The following EYS variants were observed in gnomAD, a reference collection of about 807,000 sequenced individuals.
EYS encodes the protein protein eyes shut homolog.
Under a neutral mutation model 282.1 loss-of-function variants are expected in EYS, and 250 were observed. That is an observed-to-expected ratio of 0.89 (90% CI 0.80 to 0.98). The LOEUF is 0.98. EYS is among the 50% of genes least tolerant of loss of function. The probability of loss-of-function intolerance (pLI) is 0.00; values close to 1 mark genes in which losing one functional copy is unlikely to be tolerated. For synonymous variants in EYS, 1,355 were observed against 1,282.9 expected (o/e 1.06, Z -1.20); for missense variants, 4,016 against 3,709.0 (o/e 1.08, Z -2.15).
Position 64,193,515 on chromosome 6 carries a change from T to C in EYS, c.6424+37077A>G, listed in dbSNP as rs147029827. ...CTGGTTGTTTATTTATTTATTTTTA[T>C]TATACTTTAAGTTCTAGGGTACATG... On this transcript the variant is annotated intron_variant, in intron 31 of 42. Coordinates refer to ENST00000503581, the MANE Select transcript of EYS (RefSeq NM_001142800.2). Among the ~76,000 whole-genome samples the C allele has an allele frequency of 4.6e-5, 7 of 152,156 alleles. No individual in the cohort carries two copies. The East Asian group carries it at 1.4e-3, about 29-fold the overall frequency.
At chr6:64,235,554 G>T (rs1010370232) in intron 30 of EYS, among the ~76,000 whole-genome samples, 1 of 152,056 alleles carries the variant, frequency 6.6e-6, no homozygotes, top group African/African-American at 2.4e-5. Flanking sequence ...AAATATATGT[G>T]TGCATGTGTC....
At chr6:65,101,604 A>G (rs931697261) in intron 12 of EYS, among the ~76,000 whole-genome samples, 1 of 151,304 alleles carries the variant, frequency 6.6e-6, no homozygotes, top group African/African-American at 2.4e-5. Flanking sequence ...TTTGACCTTT[A>G]TGTACTTACT....
intron 12 of EYS, among the ~76,000 whole-genome samples, chr6:65,183,395 A>G (rs181118644): frequency 6.6e-6 from 1 of 152,044 alleles, no homozygotes; most frequent in East Asian, 2.0e-4. Context: ...TAAAGTATAT[A>G]TTCCTATTTA....
chr6:64,105,688 T>C (rs1317740959), intron 31 of EYS, among the ~76,000 whole-genome samples: 1 of 152,146 alleles, frequency 6.6e-6, no homozygotes, highest in Non-Finnish European at 1.5e-5. Flanking sequence ...ACTTATACAA[T>C]AGGTAGACTT....
rs186939446 is a variant in EYS, at chr6:65,010,829, G to A, written c.2138-13126C>T. 2.2e-3 allele frequency among the ~76,000 whole-genome samples: 328 copies of A among 152,274 alleles called. 3 individuals carry two copies. Among genetic ancestry groups the A allele is most frequent in the Admixed American group, 0.019 (298 of 15,306 alleles). ...AGAAAGGGAATTCCTAACTTCCGAG[G>A]GAACACCTATCAAACATCAGGAAGC... On this transcript the variant is annotated intron_variant, in intron 13 of 42. Coordinates refer to ENST00000503581, the MANE Select transcript of EYS (RefSeq NM_001142800.2).
chr6:64,436,485 T>G (rs908746239), intron 27 of EYS, among the ~76,000 whole-genome samples: 1 of 151,822 alleles, frequency 6.6e-6, no homozygotes, highest in East Asian at 1.9e-4. Context: ...TAAATACACA[T>G]GCATACATGT....
chr6:64,494,043 T>C (rs1776816702), intron 26 of EYS, among the ~76,000 whole-genome samples: 1 of 151,576 alleles, frequency 6.6e-6, no homozygotes, highest in South Asian at 2.1e-4. Flanking sequence ...TAGAACATAG[T>C]AGAGTTGGAT....
At chr6:64,352,383 C>T (rs985659813) in intron 29 of EYS, among the ~76,000 whole-genome samples, 3 of 151,410 alleles carry the variant, frequency 2.0e-5, no homozygotes, top group Non-Finnish European at 4.4e-5. Context: ...CTATACCAGG[C>T]CCTTAAGTGT....
chr6:65,133,588 G>A (rs527431078), intron 12 of EYS, among the ~76,000 whole-genome samples: 1 of 152,130 alleles, frequency 6.6e-6, no homozygotes, highest in South Asian at 2.1e-4. Context: ...ATTGAAACTG[G>A]ACTCCTTCCT....
Position 64,012,944 on chromosome 6 carries a change from C to T in EYS, c.6726-13761G>A, listed in dbSNP as rs1201971724. Among the ~76,000 whole-genome samples the T allele has an allele frequency of 3.3e-5, 5 of 152,228 alleles. No individual in the cohort carries two copies. The East Asian group carries it at 5.8e-4, about 18-fold the overall frequency. On this transcript the variant is annotated intron_variant, in intron 33 of 42. Transcript: ENST00000503581. ...CTTTGTATAAAAAGCGCTCCATGAC[C>T]TCTAATAAGTGATTTTTCTGAGCAC... is the stretch of plus-strand genomic sequence containing the variant.
At chr6:64,562,830 C>T (rs1166899392) in intron 26 of EYS, among the ~76,000 whole-genome samples, 1 of 151,830 alleles carries the variant, frequency 6.6e-6, no homozygotes, top group Non-Finnish European at 1.5e-5. Flanking sequence ...ACAATACTTA[C>T]TATGTCTTTC....
At chr6:65,023,679 T>A (rs758230632) in intron 13 of EYS, among the ~76,000 whole-genome samples, 13 of 152,316 alleles carry the variant, frequency 8.5e-5, no homozygotes, top group African/African-American at 2.9e-4. Context: ...GCAGCACAAG[T>A]GGACACAGAA....
chr6:64,024,547 C>T (rs951198144), intron 33 of EYS, among the ~76,000 whole-genome samples: 1 of 152,100 alleles, frequency 6.6e-6, no homozygotes, highest in Non-Finnish European at 1.5e-5. Flanking sequence ...TTTGGGTCCC[C>T]TTCCACACTG....
At chr6:64,954,824 C>T (rs958067625) in intron 14 of EYS, among the ~76,000 whole-genome samples, 1 of 151,934 alleles carries the variant, frequency 6.6e-6, no homozygotes, top group African/African-American at 2.4e-5. Flanking sequence ...TCAGTACATA[C>T]AAAAATCAGT....
intron 26 of EYS, among the ~76,000 whole-genome samples, chr6:64,501,919 G>T (rs1471213709): frequency 6.6e-6 from 1 of 152,090 alleles, no homozygotes; most frequent in African/African-American, 2.4e-5. Context: ...CAGGGTGCCA[G>T]AGTGGCTCCT....
chr6:65,445,488 AT>A (rs1768619335), intron 5 of EYS, among the ~76,000 whole-genome samples: 1 of 151,802 alleles, frequency 6.6e-6, no homozygotes, highest in African/African-American at 2.4e-5. Flanking sequence ...GCTAATTTAT[AT>A]TTTAACTTGT....
At chr6:64,802,921 C>T (rs1764297901) in intron 22 of EYS, among the ~76,000 whole-genome samples, 1 of 152,202 alleles carries the variant, frequency 6.6e-6, no homozygotes, top group African/African-American at 2.4e-5. Flanking sequence ...TCTGGAGTGG[C>T]TACTGTGAAG....
chr6:65,081,329 A>T (rs111481331), intron 12 of EYS, among the ~76,000 whole-genome samples: 20 of 152,178 alleles, frequency 1.3e-4, no homozygotes, highest in South Asian at 6.2e-4. Flanking sequence ...AACCTAAGGC[A>T]ACAAAACAGG....
At chr6:64,727,871 T>C (rs1024200636) in intron 22 of EYS, among the ~76,000 whole-genome samples, 1 of 152,228 alleles carries the variant, frequency 6.6e-6, no homozygotes, top group Non-Finnish European at 1.5e-5. Context: ...ATAAGTACTT[T>C]GTCCAAAACA....
Sources: allele counts gnomAD v4.1 joint callset (sites outside exome capture counted in the v4.1 genomes callset), GRCh38; gene constraint gnomAD v4.1.1; transcripts MANE v1.5; gene names NCBI Gene and HGNC (gene_info 2026-07-23, HGNC 2026-07-21).